The following MCM5 variants were observed in gnomAD, a reference collection of about 807,000 sequenced individuals.
MCM5 encodes minichromosome maintenance complex component 5.
MCM5 carries 46 observed loss-of-function variants against 79.9 expected under a neutral mutation model. The observed-to-expected ratio is 0.58, with a 90% CI of 0.45 to 0.74. The LOEUF (loss-of-function observed/expected upper bound fraction) is 0.74, where lower values mean the gene tolerates loss of function less well. Among genes scored for constraint, MCM5 ranks in the 30% least tolerant of loss-of-function variants. The pLI, the probability that MCM5 is intolerant of heterozygous loss-of-function variation, is 0.00. For missense variants in MCM5, 883 were observed against 1,017.0 expected, an observed-to-expected ratio of 0.87 and a Z score of 1.79; for synonymous variants, 404 against 390.5, an observed-to-expected ratio of 1.03 and a Z score of -0.41.
At chr22:35,441,907 A>C in the MCM5 span, among the ~76,000 whole-genome samples, 5 of 152,124 alleles carry the variant, frequency 3.3e-5, no homozygotes, top group African/African-American at 1.2e-4. Flanking sequence ...CCAAAGCCAC[A>C]AGCCGGGCCT....
At chr22:35,429,066 A>G (rs1359836642), downstream of MCM5, among the ~76,000 whole-genome samples, 2 of 137,938 alleles carry the variant, frequency 1.4e-5, no homozygotes, top group Admixed American at 8.1e-5. Flanking sequence ...GCTCCCTGCA[A>G]CCTCCGCCTC....
intron 13 of MCM5, 141 bp downstream of exon 13, chr22:35,417,997 T>G (rs946469963): frequency 3.2e-6 from 2 of 626,382 alleles, no homozygotes; most frequent in African/African-American, 3.7e-5. Context: ...CTACTGAATC[T>G]GCTCTGCTCC....
chr22:35,405,349 T>A (rs4645755), intron 4 of MCM5, among the ~76,000 whole-genome samples: 2 of 151,572 alleles, frequency 1.3e-5, no homozygotes, highest in African/African-American at 2.4e-5. Flanking sequence ...GAACTATTTC[T>A]CCATGTATCT....
chr22:35,416,590 G>C, intron 11 of MCM5, 48 bp from the exon 12 acceptor site: 1 of 1,414,734 alleles, frequency 7.1e-7, no homozygotes, highest in Non-Finnish European at 9.8e-7. Flanking sequence ...TATATAAGAA[G>C]GCATCTTTGC....
At chr22:35,444,869 G>C in the MCM5 span, among the ~76,000 whole-genome samples, 1 of 152,122 alleles carries the variant, frequency 6.6e-6, no homozygotes, top group Non-Finnish European at 1.5e-5. Flanking sequence ...TAGAAAATGA[G>C]GCAGATGCAG....
intron 11 of MCM5, 25 bp from the exon 12 acceptor site, chr22:35,416,613 C>T: frequency 6.2e-7 from 1 of 1,604,460 alleles, no homozygotes; most frequent in Non-Finnish European, 8.5e-7. Flanking sequence ...TCTCCTCCCC[C>T]TTTTCGTCGT....
At chr22:35,443,073 C>T in the MCM5 span, among the ~76,000 whole-genome samples, 1 of 152,230 alleles carries the variant, frequency 6.6e-6, no homozygotes, top group Admixed American at 6.5e-5. Flanking sequence ...GAGGACCACA[C>T]TCTCCCTCTC....
In MCM5 at chr22:35,406,663, C is replaced by T. The variant is rs925570160; in HGVS notation, c.534C>T (p.Thr178=). The stretch of plus-strand genomic sequence containing the variant: ...TCCAGTGCCGCAGCTGCCGCAACAC[C>T]CTCACCAACATTGCCATGCGCCCTG... The part of the protein sequence containing the change: ...ISIQCRSCRN[T]LTNIAMRPGL... The change falls in exon 5 of 17, where the codon ACC becomes ACT. Residue 178 remains threonine, a synonymous_variant. Transcript: ENST00000216122. 1.9e-6 allele frequency: 3 copies of T among 1,612,208 alleles called. No individual in the cohort carries two copies. The highest frequency in any genetic ancestry group is 2.7e-5 in the African/African-American group (2 of 74,950).
At chr22:35,439,231 TCATC>T in the MCM5 span, among the ~76,000 whole-genome samples, 1 of 139,074 alleles carries the variant, frequency 7.2e-6, no homozygotes, top group Admixed American at 7.0e-5. Flanking sequence ...ATCCAAATAT[TCATC>T]CATCCATCCA....
the MCM5 span, among the ~76,000 whole-genome samples, chr22:35,436,471 G>A: frequency 2.6e-5 from 4 of 152,326 alleles, no homozygotes; most frequent in East Asian, 7.7e-4. Context: ...TGAAAGCTGG[G>A]CAGAAGGGGC....
At chr22:35,407,368 C>T (rs564949723) in intron 5 of MCM5, among the ~76,000 whole-genome samples, 2 of 152,242 alleles carry the variant, frequency 1.3e-5, no homozygotes, top group African/African-American at 2.4e-5. Flanking sequence ...TGATCCCCCG[C>T]GTCCACCCTC....
intron 14 of MCM5, 113 bp downstream of exon 14, chr22:35,420,125 G>GC: frequency 7.8e-7 from 1 of 1,282,412 alleles, no homozygotes; most frequent in Non-Finnish European, 1.1e-6. Context: ...CAGGCCCATA[G>GC]TAGCTCTGGG....
In MCM5 at chr22:35,423,288, G is replaced by C. The variant is rs1314394859; in HGVS notation, c.2050G>C (p.Ala684Pro). ...RIEKQLKRRFAIGSQVSEHSI... is the reference protein window; with the variant it reads ...RIEKQLKRRFPIGSQVSEHSI... ...CGAGAAGCAGCTCAAGCGCCGCTTT[G>C]CCATTGGCTCCCAGGTGTCTGAGCA... The change falls in exon 16 of 17, where the codon GCC becomes CCC. Residue 684 changes from alanine (A) to proline (P), a missense_variant. By Grantham distance (27) the Ala-to-Pro change is conservative. This residue lies in a region of MCM5 where 426 missense variants were observed against 482.3 expected (regional missense o/e 0.88). Transcript: ENST00000216122. 1.2e-6 allele frequency: 2 copies of C among 1,609,082 alleles called. No individual in the cohort carries two copies. The highest frequency in any genetic ancestry group is 1.7e-6 in the Non-Finnish European group (2 of 1,177,006).
At chr22:35,412,721 A>T in intron 8 of MCM5, 40 bp downstream of exon 8, 1 of 1,400,976 alleles carries the variant, frequency 7.1e-7, no homozygotes. Flanking sequence ...GAGGCGGCTG[A>T]TGATGGGGCT....
intron 2 of MCM5, 36 bp downstream of exon 2, chr22:35,400,641 G>A (rs781583954): frequency 6.5e-7 from 1 of 1,547,856 alleles, no homozygotes; most frequent in Non-Finnish European, 8.7e-7. Context: ...TCGAGTTCCA[G>A]TGTGGCCGCT....
At chr22:35,420,776 A>G (rs888661441) in intron 14 of MCM5, among the ~76,000 whole-genome samples, 2 of 152,106 alleles carry the variant, frequency 1.3e-5, no homozygotes, top group African/African-American at 4.8e-5. Flanking sequence ...CACAAATACA[A>G]CCTGGTACAA....
intron 6 of MCM5, among the ~76,000 whole-genome samples, chr22:35,408,833 G>C (rs1932293995): frequency 6.6e-6 from 1 of 152,242 alleles, no homozygotes; most frequent in South Asian, 2.1e-4. Flanking sequence ...AGGAGAGCCG[G>C]GCTTTCAGCC....
the MCM5 span, among the ~76,000 whole-genome samples, chr22:35,448,557 C>A: frequency 5.9e-5 from 9 of 152,350 alleles, no homozygotes; most frequent in South Asian, 2.1e-4. Context: ...GGGCATCAGA[C>A]CCCGAGGATG....
downstream of MCM5, chr22:35,425,484 C>T (rs1048218902): frequency 6.6e-6 from 1 of 152,186 alleles, no homozygotes; most frequent in African/African-American, 2.4e-5. Context: ...AAGATTCCTG[C>T]AGCTCAAAGC....
Sources: gnomAD v4.1 joint callset for allele counts (sites outside exome capture counted in the v4.1 genomes callset) on GRCh38, gnomAD v4.1.1 for gene constraint, gnomAD v4.1.1 regional missense constraint, MANE v1.5 for transcripts, NCBI Gene and HGNC (gene_info 2026-07-23, HGNC 2026-07-21) for gene names.